Variants in DMRT1 observed in about 807,000 individuals in gnomAD.
DMRT1 encodes the protein doublesex and mab-3 related transcription factor 1, also known as doublesex- and mab-3-related transcription factor 1.
In DMRT1, 7 loss-of-function variants were observed where a neutral mutation model predicts 32.3. The observed-to-expected ratio is 0.22, with a 90% CI of 0.12 to 0.41. The LOEUF (loss-of-function observed/expected upper bound fraction) is 0.41. Ranked by LOEUF, DMRT1 falls within the 10% of genes least tolerant of loss-of-function variation. The pLI is 1.00. For synonymous variants in DMRT1, 278 were observed against 206.1 expected (o/e 1.35, Z -2.99); for missense variants, 625 against 500.5 (o/e 1.25, Z -2.37).
chr9:869,581 C>A (rs914442536), intron 2 of DMRT1, among the ~76,000 whole-genome samples: 1 of 152,142 alleles, frequency 6.6e-6, no homozygotes, highest in African/African-American at 2.4e-5. Flanking sequence ...ATATTTCTCC[C>A]AAGGTCTCCT....
Position 847,072 on chromosome 9 carries a change from C to T in DMRT1, c.467C>T (p.Pro156Leu), listed in dbSNP as rs200595910. The T allele has an allele frequency of 1.2e-4, 188 of 1,613,872 alleles. No individual in the cohort carries two copies. Among genetic ancestry groups the T allele is most frequent in the Middle Eastern group, 3.3e-4 (2 of 5,996 alleles). ...LVKRENNGSN[P>L]CLMTECSGTS... ...AAAAGAGAGAACAATGGCAGTAACCCGTGCCTCATGACTGAGTGCAGTGGC... is the reference window on the plus strand; with the variant it reads ...AAAAGAGAGAACAATGGCAGTAACCTGTGCCTCATGACTGAGTGCAGTGGC... Residue 156 changes from proline (P) to leucine (L), a missense_variant, in exon 2 of 5, where the codon CCG (proline) becomes CTG (leucine). Coordinates refer to ENST00000382276, the MANE Select transcript of DMRT1 (RefSeq NM_021951.3).
intron 4 of DMRT1, among the ~76,000 whole-genome samples, chr9:925,205 G>A (rs551903889): frequency 7.9e-5 from 12 of 152,240 alleles, no homozygotes; most frequent in African/African-American, 1.7e-4. Flanking sequence ...GATGGCTCCC[G>A]GGATGGTTTG....
intron 2 of DMRT1, among the ~76,000 whole-genome samples, chr9:858,089 G>T (rs149916377): frequency 6.6e-6 from 1 of 152,024 alleles, no homozygotes; most frequent in African/African-American, 2.4e-5. Flanking sequence ...ATAAACATAC[G>T]TGTGCATGTG....
chr9:893,505 T>C (rs1817231708), intron 2 of DMRT1, among the ~76,000 whole-genome samples: 1 of 152,250 alleles, frequency 6.6e-6, no homozygotes, highest in South Asian at 2.1e-4. Context: ...ACCTAAACTC[T>C]TGGCCACTCG....
intron 3 of DMRT1, among the ~76,000 whole-genome samples, chr9:910,917 A>C (rs1282162182): frequency 6.6e-6 from 1 of 152,198 alleles, no homozygotes; most frequent in Admixed American, 6.5e-5. Context: ...AATAAAAAAA[A>C]ACCTTGAGAG....
intron 2 of DMRT1, among the ~76,000 whole-genome samples, chr9:876,134 C>T (rs1457916254): frequency 6.6e-6 from 1 of 152,190 alleles, no homozygotes; most frequent in African/African-American, 2.4e-5. Flanking sequence ...GACAGGTCTT[C>T]TTACCTGGTT....
At position 916,772 on chromosome 9, in the gene DMRT1, A is replaced by G. The variant is rs1818196584; in HGVS notation, c.832A>G (p.Met278Val). Residue 278 changes from methionine to valine, a missense_variant, in exon 4 of 5, where the codon ATG becomes GTG. Physicochemically the swap from Met to Val is conservative, Grantham distance 21 (BLOSUM62 1). This residue lies in a region of DMRT1 where 416 missense variants were observed against 321.6 expected (regional missense o/e 1.29). Transcript: ENST00000382276. ...CTTTTTTCTTAAGCAGATGAAGAAC[A>G]TGGAGAACCGCCATGCAATGAGCTC... ...QTGNQWQMKN[M>V]ENRHAMSSQY... 2.5e-6 allele frequency: 4 copies of G among 1,614,224 alleles called. No homozygotes were observed. The highest frequency in any genetic ancestry group is 3.4e-6 in the Non-Finnish European group (4 of 1,180,040).
chr9:895,946 A>G (rs542027043), intron 3 of DMRT1, among the ~76,000 whole-genome samples: 190 of 151,796 alleles, frequency 1.3e-3, no homozygotes, highest in African/African-American at 4.5e-3. Flanking sequence ...CTGGGACTAC[A>G]GGCACGCGCC....
chr9:845,068 A>G (rs866115100), intron 1 of DMRT1, among the ~76,000 whole-genome samples: 5 of 151,986 alleles, frequency 3.3e-5, no homozygotes, highest in African/African-American at 9.7e-5. Flanking sequence ...CCTTTGGCTT[A>G]TATTTGGGCA....
chr9:888,431 T>G (rs1435964197), intron 2 of DMRT1, among the ~76,000 whole-genome samples: 1 of 152,024 alleles, frequency 6.6e-6, no homozygotes, highest in Non-Finnish European at 1.5e-5. Context: ...TCAGCCTCCC[T>G]TAGTGGCTGG....
chr9:945,841 C>A (rs2129930739), intron 4 of DMRT1, among the ~76,000 whole-genome samples: 1 of 151,344 alleles, frequency 6.6e-6, no homozygotes, highest in Non-Finnish European at 1.5e-5. Flanking sequence ...AAGAGCTAAA[C>A]TCTTGATGTG....
intron 2 of DMRT1, among the ~76,000 whole-genome samples, chr9:893,085 G>T (rs58362265): frequency 0.025 from 3,355 of 135,124 alleles, 125 homozygotes; most frequent in African/African-American, 0.094. Context: ...GGTGGTAGGT[G>T]GTATTCCCTT....
intron 4 of DMRT1, among the ~76,000 whole-genome samples, chr9:961,439 C>T (rs1455462706): frequency 6.6e-6 from 1 of 152,166 alleles, no homozygotes; most frequent in Non-Finnish European, 1.5e-5. Context: ...ATTCTTCCTT[C>T]CTCCAAATGC....
chr9:930,534 G>A (rs1021395262), intron 4 of DMRT1, among the ~76,000 whole-genome samples: 46 of 151,932 alleles, frequency 3.0e-4, no homozygotes, highest in African/African-American at 1.1e-3. Context: ...TCAGCCTCCT[G>A]AGTAGCTGGG....
At chr9:887,977 A>C (rs1376581559) in intron 2 of DMRT1, among the ~76,000 whole-genome samples, 1 of 152,224 alleles carries the variant, frequency 6.6e-6, no homozygotes, top group African/African-American at 2.4e-5. Context: ...AATACAACTT[A>C]AGGTCAAGAA....
intron 2 of DMRT1, among the ~76,000 whole-genome samples, chr9:870,281 C>G (rs1273020727): frequency 1.3e-5 from 2 of 152,102 alleles, no homozygotes; most frequent in Non-Finnish European, 2.9e-5. Flanking sequence ...CACCTGTAAT[C>G]CCAGCTACTC....
chr9:870,156 G>C (rs10977234), intron 2 of DMRT1, among the ~76,000 whole-genome samples: 45,205 of 152,160 alleles, frequency 0.3, 8,067 homozygotes, highest in Non-Finnish European at 0.4. Flanking sequence ...GCAATACTTT[G>C]GGAGGCTGAG....
chr9:933,306 T>C (rs911113095), intron 4 of DMRT1, among the ~76,000 whole-genome samples: 2 of 152,180 alleles, frequency 1.3e-5, no homozygotes, highest in Non-Finnish European at 2.9e-5. Flanking sequence ...ACCAAGTCAC[T>C]TTATTAGAAT....
At chr9:874,333 A>G (rs551381630) in intron 2 of DMRT1, among the ~76,000 whole-genome samples, 13 of 152,314 alleles carry the variant, frequency 8.5e-5, no homozygotes, top group African/African-American at 2.9e-4. Context: ...CCTTCATCTA[A>G]TATTTATACA....
Sources: allele counts gnomAD v4.1 joint callset (sites outside exome capture counted in the v4.1 genomes callset), GRCh38; gene constraint gnomAD v4.1.1; regional missense constraint gnomAD v4.1.1; transcripts MANE v1.5; gene names NCBI Gene and HGNC (gene_info 2026-07-23, HGNC 2026-07-21).